LRIG2: variants seen among roughly 807,000 people sequenced by gnomAD.
LRIG2 encodes the protein leucine rich repeats and immunoglobulin like domains 2, also known as leucine-rich repeats and immunoglobulin-like domains protein 2.
Under a neutral mutation model 107.8 loss-of-function variants are expected in LRIG2, and 93 were observed. The observed-to-expected ratio is 0.86, with a 90% confidence interval of 0.73 to 1.03. The LOEUF (loss-of-function observed/expected upper bound fraction) is 1.03, where lower values mean the gene tolerates loss of function less well. Ranked by LOEUF, LRIG2 falls within the 50% of genes least tolerant of loss-of-function variation. LRIG2 has a pLI of 0.00. For missense variants in LRIG2, 1,226 were observed against 1,296.0 expected, an observed-to-expected ratio of 0.95 and a Z score of 0.83; for synonymous variants, 471 against 470.6, an observed-to-expected ratio of 1.00 and a Z score of -0.01.
At chr1:113,078,716 C>T (rs1653108571) in intron 1 of LRIG2, among the ~76,000 whole-genome samples, 1 of 150,928 alleles carries the variant, frequency 6.6e-6, no homozygotes, top group Admixed American at 6.6e-5. Context: ...TCTCAGCTCA[C>T]TGCAACCTCC....
chr1:113,081,194 C>T (rs1287248439), intron 1 of LRIG2, among the ~76,000 whole-genome samples: 1 of 152,056 alleles, frequency 6.6e-6, no homozygotes, highest in Non-Finnish European at 1.5e-5. Context: ...TGGGATGTTT[C>T]GTCTAATTGC....
intron 13 of LRIG2, 82 bp from the exon 14 acceptor site, chr1:113,112,397 A>T: frequency 8.0e-7 from 1 of 1,257,232 alleles, no homozygotes; most frequent in Non-Finnish European, 1.1e-6. Flanking sequence ...CTTGCCTACT[A>T]GATTCTTTCA....
At chr1:113,074,898 A>G (rs1482029308) in intron 1 of LRIG2, among the ~76,000 whole-genome samples, 2 of 107,464 alleles carry the variant, frequency 1.9e-5, no homozygotes, top group Non-Finnish European at 3.5e-5. Flanking sequence ...ACAGAGCGAG[A>G]CTCCGTCTGG....
Position 113,112,802 on chromosome 1 carries a change from T to G in LRIG2, c.2080+42T>G, listed in dbSNP as rs1256145652. ...ATGGGTCCCTGCTTTTGTTGGAGTC[T>G]TTGGGAGCTACTCTTGGTCTTAATG... is the stretch of plus-strand genomic sequence containing the variant. On this transcript the variant is annotated intron_variant, in intron 14 of 17. Coordinates refer to ENST00000361127, the MANE Select transcript of LRIG2 (RefSeq NM_014813.3). The G allele has an allele frequency of 3.2e-6, 5 of 1,543,454 alleles. No individual in the cohort carries two copies. The South Asian group carries it at 6.2e-5, about 19-fold the overall frequency.
chr1:113,102,431 G>A lies in LRIG2; in HGVS notation c.1313+1943G>A, dbSNP rs185757119. ...CTACAGGTGCCCCCCAACCACGCCC[G>A]GTTAATTTTTTTGTATTTTTAGTTG... is the stretch of plus-strand genomic sequence containing the variant. On this transcript the variant is annotated intron_variant, in intron 11 of 17. Transcript: ENST00000361127. 3.8e-4 allele frequency among the ~76,000 whole-genome samples: 58 copies of A among 151,892 alleles called. 1 individual carries two copies. The East Asian group carries it at 6.6e-3, about 17-fold the overall frequency.
chr1:113,095,001 G>T (rs1653993036), intron 6 of LRIG2, among the ~76,000 whole-genome samples: 1 of 121,136 alleles, frequency 8.3e-6, no homozygotes, highest in Admixed American at 8.7e-5. Context: ...TTGAGATGGA[G>T]TCTCACTCTG....
chr1:113,119,747 A>G (rs557182713), intron 17 of LRIG2, among the ~76,000 whole-genome samples: 19 of 152,324 alleles, frequency 1.2e-4, no homozygotes, highest in South Asian at 1.0e-3. Flanking sequence ...TGGGGGTAAC[A>G]GGATCACACT....
At chr1:113,094,257 A>T (rs1204747482) in intron 4 of LRIG2, 82 bp from the exon 5 acceptor site, 2 of 952,120 alleles carry the variant, frequency 2.1e-6, no homozygotes, top group East Asian at 2.7e-5. Flanking sequence ...GGGGGCTTAG[A>T]CATAGATTTT....
At chr1:113,083,626 G>A (rs1181130091) in intron 1 of LRIG2, among the ~76,000 whole-genome samples, 2 of 151,740 alleles carry the variant, frequency 1.3e-5, no homozygotes, top group South Asian at 2.1e-4. Context: ...GATTACAGAC[G>A]TGAGCCACTG....
chr1:113,085,513 A>T (rs1228987148), intron 1 of LRIG2, among the ~76,000 whole-genome samples: 2 of 152,088 alleles, frequency 1.3e-5, no homozygotes, highest in Non-Finnish European at 2.9e-5. Flanking sequence ...CGCACTTCTG[A>T]CCTCAGGTGA....
chr1:113,079,388 T>TA (rs1336083394), intron 1 of LRIG2, among the ~76,000 whole-genome samples: 10 of 147,354 alleles, frequency 6.8e-5, no homozygotes. Context: ...TGAGCCCCTT[T>TA]AAAAAAGGTA....
chr1:113,105,677 C>T (rs1302786446), intron 11 of LRIG2, among the ~76,000 whole-genome samples: 1 of 152,134 alleles, frequency 6.6e-6, no homozygotes, highest in Non-Finnish European at 1.5e-5. Flanking sequence ...ACTCAGAAAG[C>T]TCAGGTGGGA....
intron 1 of LRIG2, among the ~76,000 whole-genome samples, chr1:113,088,517 G>T (rs1297326866): frequency 6.6e-6 from 1 of 152,186 alleles, no homozygotes; most frequent in African/African-American, 2.4e-5. Context: ...GATGAATACA[G>T]TCAAGAGTTA....
intron 1 of LRIG2, among the ~76,000 whole-genome samples, chr1:113,084,899 A>G (rs1201934661): frequency 1.3e-5 from 2 of 152,196 alleles, no homozygotes; most frequent in Non-Finnish European, 2.9e-5. Context: ...GACTCAACAC[A>G]TTTATTCTGT....
intron 1 of LRIG2, among the ~76,000 whole-genome samples, chr1:113,077,915 G>A (rs1653062602): frequency 1.6e-5 from 2 of 123,554 alleles, no homozygotes; most frequent in Admixed American, 2.2e-4. Context: ...GCTCCGATGT[G>A]TGATGTTCCC....
intron 14 of LRIG2, 96 bp downstream of exon 14, chr1:113,112,856 C>G: frequency 1.7e-6 from 2 of 1,166,654 alleles, no homozygotes; most frequent in Non-Finnish European, 2.4e-6. Context: ...GAGATTACCT[C>G]TGTGATTCTT....
rs61751735 is a variant in LRIG2, at chr1:113,123,991, G to A, written c.3088G>A (p.Gly1030Arg). The stretch of plus-strand genomic sequence containing the variant: ...ACTTCATCAAAATGAGGGCCTGGCA[G>A]GGAGAGAGCCAGACTGTTCTGCTTC... Reference protein sequence around the residue: ...PQLHQNEGLAGREPDCSASSM... With the variant: ...PQLHQNEGLARREPDCSASSM... Residue 1030 changes from glycine to arginine, a missense_variant, in exon 18 of 18, where the codon GGG (glycine) becomes AGG (arginine). Physicochemically the swap from Gly to Arg is moderately radical, Grantham distance 125 (BLOSUM62 -2). Coordinates refer to ENST00000361127, the MANE Select transcript of LRIG2 (RefSeq NM_014813.3). The A allele has an allele frequency of 2.4e-4, 388 of 1,614,142 alleles. 4 individuals are homozygous for A. The African/African-American group carries it at 4.3e-3, about 18-fold the overall frequency.
intron 13 of LRIG2, 102 bp from the exon 14 acceptor site, chr1:113,112,377 T>G: frequency 1.0e-6 from 1 of 971,688 alleles, no homozygotes; most frequent in Non-Finnish European, 1.5e-6. Flanking sequence ...AATGGAACAT[T>G]AGGGGGTGTC....
intron 17 of LRIG2, among the ~76,000 whole-genome samples, chr1:113,121,231 C>T (rs899122675): frequency 1.3e-5 from 2 of 152,118 alleles, no homozygotes; most frequent in South Asian, 2.1e-4. Context: ...TAAGTGAGAA[C>T]GCAGTTTTGG....
Sources: gnomAD v4.1 joint callset for allele counts (sites outside exome capture counted in the v4.1 genomes callset) on GRCh38, gnomAD v4.1.1 for gene constraint, MANE v1.5 for transcripts, NCBI Gene and HGNC (gene_info 2026-07-23, HGNC 2026-07-21) for gene names.